CYTH1: variants seen among roughly 807,000 people sequenced by gnomAD.
The protein encoded by CYTH1 is cytohesin-1.
CYTH1 carries 18 observed loss-of-function variants against 61.8 expected under a neutral mutation model. The ratio of observed to expected loss-of-function variants is 0.29; its 90% CI spans 0.20 to 0.43. The LOEUF (loss-of-function observed/expected upper bound fraction) is 0.43, where lower values mean the gene tolerates loss of function less well. Ranked by LOEUF, CYTH1 falls within the 20% of genes least tolerant of loss-of-function variation. The pLI is 1.00. For synonymous variants in CYTH1, 174 were observed against 184.3 expected (o/e 0.94, Z 0.45); for missense variants, 336 against 510.5 (o/e 0.66, Z 3.29).
chr17:78,713,696 T>C (rs2093156623), intron 1 of CYTH1, among the ~76,000 whole-genome samples: 2 of 147,586 alleles, frequency 1.4e-5, no homozygotes, highest in Admixed American at 1.4e-4. Flanking sequence ...ATGGACACAA[T>C]CTACCCAGCA....
At chr17:78,693,130 G>A (rs2144187621) in intron 10 of CYTH1, among the ~76,000 whole-genome samples, 1 of 152,288 alleles carries the variant, frequency 6.6e-6, no homozygotes, top group Non-Finnish European at 1.5e-5. Context: ...GAGAATCAAA[G>A]CAGAATTCCT....
chr17:78,763,241 G>A (rs1195444808), intron 1 of CYTH1, among the ~76,000 whole-genome samples: 3 of 151,770 alleles, frequency 2.0e-5, no homozygotes, highest in Admixed American at 2.0e-4. Context: ...TACTTGGGAG[G>A]CTGAGGCAGG....
chr17:78,685,576 G>A (rs1016287660), intron 11 of CYTH1, among the ~76,000 whole-genome samples: 2 of 152,046 alleles, frequency 1.3e-5, no homozygotes, highest in African/African-American at 4.8e-5. Context: ...TTCGTATTCT[G>A]AACTTAAGCA....
At chr17:78,704,537 T>C (rs976307661) in intron 3 of CYTH1, among the ~76,000 whole-genome samples, 2 of 152,186 alleles carry the variant, frequency 1.3e-5, no homozygotes, top group Non-Finnish European at 2.9e-5. Context: ...TTGTTTTTGT[T>C]ACAGGCAGGG....
chr17:78,772,060 T>C (rs756968173), intron 1 of CYTH1, among the ~76,000 whole-genome samples: 10 of 152,232 alleles, frequency 6.6e-5, no homozygotes, highest in Non-Finnish European at 1.3e-4. Flanking sequence ...CATGCCTCTA[T>C]GATTGCAACT....
intron 1 of CYTH1, among the ~76,000 whole-genome samples, chr17:78,758,318 A>G (rs1170318313): frequency 1.3e-5 from 2 of 152,226 alleles, no homozygotes; most frequent in Non-Finnish European, 2.9e-5. Flanking sequence ...GTCTTCTTGT[A>G]GCTGGCGACA....
chr17:78,753,577 A>G (rs1469433811), intron 1 of CYTH1, among the ~76,000 whole-genome samples: 1 of 152,206 alleles, frequency 6.6e-6, no homozygotes, highest in Non-Finnish European at 1.5e-5. Flanking sequence ...CCCTAATTAC[A>G]TGGGGTTTGT....
rs371392177 is a variant in CYTH1 at position 78,681,061 on chromosome 17, G to A, written c.892-19C>T. 9.3e-6 allele frequency: 15 copies of A among 1,610,522 alleles called. No homozygotes were observed. Among genetic ancestry groups the A allele is most frequent in the Non-Finnish European group, 1.3e-5 (15 of 1,178,922 alleles). Reference sequence around the variant, plus strand: ...CCTTATCCTACAGAACAGTTGAAGAGAGGAAGTTTAAGATCACAGTTTAAG... The same window carrying A: ...CCTTATCCTACAGAACAGTTGAAGAAAGGAAGTTTAAGATCACAGTTTAAG... On this transcript the variant is annotated intron_variant, in intron 11 of 13. Transcript: ENST00000446868.
chr17:78,700,468 C>A lies in CYTH1; in HGVS notation c.438-25G>T, dbSNP rs760477360. 1 of 1,569,034 alleles carries A rather than the reference C, an allele frequency of 6.4e-7. No individual in the cohort carries two copies. The highest frequency in any genetic ancestry group is 1.7e-4 in the Middle Eastern group (1 of 5,916). Reference sequence around the variant, plus strand: ...CCTGAGTGGGTAAAGACAGAGTGTTCCAGAACTTGGGGAGGCAATTTATTT... The same window carrying A: ...CCTGAGTGGGTAAAGACAGAGTGTTACAGAACTTGGGGAGGCAATTTATTT... On this transcript the variant is annotated intron_variant, in intron 6 of 13. Transcript: ENST00000446868. This position sits in a 1 kb window ranked among gnomAD's most constrained non-coding sequence, Gnocchi z 5.1.
At chr17:78,777,944 T>C (rs2093499626) in intron 1 of CYTH1, among the ~76,000 whole-genome samples, 1 of 152,054 alleles carries the variant, frequency 6.6e-6, no homozygotes, top group Non-Finnish European at 1.5e-5. Flanking sequence ...GGAAGCACTG[T>C]TGAAAACAGC....
chr17:78,738,410 A>G (rs556878235), intron 1 of CYTH1, among the ~76,000 whole-genome samples: 2 of 152,266 alleles, frequency 1.3e-5, no homozygotes, highest in East Asian at 1.9e-4. Flanking sequence ...ATTAGTCTTC[A>G]TTGTAAATGC....
rs9913841 is a variant in CYTH1 at position 78,722,622 on chromosome 17, G to C, written c.23-12890C>G. Among the ~76,000 whole-genome samples, 590 of 152,282 alleles carry C rather than the reference G, an allele frequency of 3.9e-3. 3 individuals carry two copies. The highest frequency in any genetic ancestry group is 0.013 in the African/African-American group (554 of 41,546). The stretch of plus-strand genomic sequence containing the variant: ...GTCCAAAAGAGAGGCTTGGTGGCTT[G>C]GAAGTCAATTCTCTCTCACTTTACC... On this transcript the variant is annotated intron_variant, in intron 1 of 13. Transcript: ENST00000446868.
At chr17:78,776,077 C>T (rs2093489779) in intron 1 of CYTH1, among the ~76,000 whole-genome samples, 1 of 152,142 alleles carries the variant, frequency 6.6e-6, no homozygotes, top group Non-Finnish European at 1.5e-5. Flanking sequence ...ATCACTTGAA[C>T]CCAGGAGGCA....
chr17:78,746,416 T>A (rs1392682018), intron 1 of CYTH1, among the ~76,000 whole-genome samples: 1 of 152,186 alleles, frequency 6.6e-6, no homozygotes, highest in African/African-American at 2.4e-5. Flanking sequence ...ACGCAACACC[T>A]GCAAGATTTT....
At chr17:78,747,143 G>A (rs1463218677) in intron 1 of CYTH1, among the ~76,000 whole-genome samples, 5 of 56,376 alleles carry the variant, frequency 8.9e-5, no homozygotes, top group Admixed American at 2.5e-4. Context: ...TAATGGCAGC[G>A]CCAAAAAAAA....
At chr17:78,730,943 T>C (rs113259313) in intron 1 of CYTH1, among the ~76,000 whole-genome samples, 8,402 of 145,686 alleles carry the variant, frequency 0.058, 428 homozygotes, top group South Asian at 0.16. Flanking sequence ...GGATTACAGG[T>C]GTGAGCCACC....
intron 4 of CYTH1, 85 bp downstream of exon 4, chr17:78,702,453 G>C (rs1274635340): frequency 3.0e-5 from 44 of 1,448,270 alleles, no homozygotes; most frequent in Non-Finnish European, 4.1e-5. Flanking sequence ...TGTAACGCTT[G>C]GAAAAAAACG....
chr17:78,681,002 C>T lies in CYTH1; in HGVS notation c.932G>A (p.Ser311Asn), dbSNP rs761821370. Residue 311 changes from serine to asparagine, a missense_variant, in exon 12 of 14, where the codon AGT (serine) becomes AAT (asparagine). By Grantham distance (46) the Ser-to-Asn change is conservative. This residue lies in a region of CYTH1 where 16 missense variants were observed against 57.9 expected (regional missense o/e 0.28). Transcript: ENST00000446868. ...TTTGGAGTCCTCCACTTCCCGGATA[C>T]TCAGATTCTCTAAAGGGATGATTCC... The part of the protein sequence containing the change: ...PRGIIPLENL[S>N]IREVEDSKKP... The T allele has an allele frequency of 1.9e-6, 3 of 1,614,100 alleles. No individual in the cohort carries two copies. The highest frequency in any genetic ancestry group is 2.5e-6 in the Non-Finnish European group (3 of 1,180,016).
intron 1 of CYTH1, among the ~76,000 whole-genome samples, chr17:78,777,312 A>G (rs996269399): frequency 8.8e-5 from 13 of 148,532 alleles, no homozygotes; most frequent in East Asian, 4.1e-4. Flanking sequence ...CCAGCTACTC[A>G]GGAGGCTGAG....
Sources: allele counts gnomAD v4.1 joint callset (sites outside exome capture counted in the v4.1 genomes callset), GRCh38; gene constraint gnomAD v4.1.1; regional missense constraint gnomAD v4.1.1; non-coding constraint Gnocchi (gnomAD v3.1); transcripts MANE v1.5; gene names NCBI Gene and HGNC (gene_info 2026-07-23, HGNC 2026-07-21).